Variants in CTNNA1 observed in about 807,000 individuals in gnomAD.
The protein encoded by CTNNA1 is catenin alpha-1.
CTNNA1 carries 37 observed loss-of-function variants against 98.4 expected under a neutral mutation model. The ratio of observed to expected loss-of-function variants is 0.38; its 90% CI spans 0.29 to 0.49. The LOEUF is 0.49. Ranked by LOEUF, CTNNA1 falls within the 20% of genes least tolerant of loss-of-function variation. The pLI, the probability that CTNNA1 is intolerant of heterozygous loss-of-function variation, is 0.95. For missense variants in CTNNA1, 761 were observed against 1,147.2 expected (o/e 0.66, Z 4.86); for synonymous variants, 404 against 413.2 (o/e 0.98, Z 0.27).
At chr5:138,787,805 A>G (rs778753747) in intron 3 of CTNNA1, among the ~76,000 whole-genome samples, 1 of 152,226 alleles carries the variant, frequency 6.6e-6, no homozygotes, top group Non-Finnish European at 1.5e-5. Context: ...AATAATGAAT[A>G]TGCACATTTG....
intron 7 of CTNNA1, among the ~76,000 whole-genome samples, chr5:138,841,180 T>C (rs1762232682): frequency 6.6e-6 from 1 of 152,258 alleles, no homozygotes; most frequent in South Asian, 2.1e-4. Flanking sequence ...TCATATCTGA[T>C]GACTGCTAAT....
chr5:138,766,167 GTGA>G (rs781384476), intron 1 of CTNNA1, among the ~76,000 whole-genome samples: 1 of 152,164 alleles, frequency 6.6e-6, no homozygotes, highest in Non-Finnish European at 1.5e-5. Flanking sequence ...ATAGTGCTAT[GTGA>G]CAAGTGCTGG....
rs780655298 is a variant in CTNNA1 at position 138,812,332 on chromosome 5, G to A, written c.588+30G>A. 2.6e-5 allele frequency: 41 copies of A among 1,596,612 alleles called. No homozygotes were observed. The South Asian group carries it at 4.5e-4, about 17-fold the overall frequency. The stretch of plus-strand genomic sequence containing the variant: ...AGTCATGATTTGGGGATATATTAAA[G>A]TTGTTCATTTTACTATCTAGAGGGA... On this transcript the variant is annotated intron_variant, in intron 5 of 17. Coordinates refer to ENST00000302763, the MANE Select transcript of CTNNA1 (RefSeq NM_001903.5).
At chr5:138,888,696 C>T (rs1433525455) in intron 9 of CTNNA1, among the ~76,000 whole-genome samples, 5 of 151,982 alleles carry the variant, frequency 3.3e-5, no homozygotes, top group Admixed American at 1.3e-4. Flanking sequence ...TACAGGCACC[C>T]GCCACCATGC....
chr5:138,885,894 A>T (rs754220504), intron 7 of CTNNA1, among the ~76,000 whole-genome samples: 1 of 152,172 alleles, frequency 6.6e-6, no homozygotes, highest in African/African-American at 2.4e-5. Context: ...AAATTGGTGT[A>T]TGCTGAACCT....
At chr5:138,877,897 G>A (rs1396563879) in intron 7 of CTNNA1, among the ~76,000 whole-genome samples, 1 of 152,176 alleles carries the variant, frequency 6.6e-6, no homozygotes, top group Non-Finnish European at 1.5e-5. Context: ...GGGGAGAAAA[G>A]CATTTTAGTC....
At chr5:138,794,332 G>A (rs1228312471) in intron 3 of CTNNA1, among the ~76,000 whole-genome samples, 2 of 151,108 alleles carry the variant, frequency 1.3e-5, no homozygotes, top group Non-Finnish European at 2.9e-5. Context: ...TCTTTCAAAA[G>A]ATAAACAGTT....
chr5:138,809,077 TG>T (rs2149724188), intron 3 of CTNNA1, among the ~76,000 whole-genome samples: 1 of 152,308 alleles, frequency 6.6e-6, no homozygotes, highest in Admixed American at 6.5e-5. Flanking sequence ...CTCAAACACA[TG>T]GGCTCAAGAG....
chr5:138,871,497 T>C (rs959092175), intron 7 of CTNNA1: 6 of 152,260 alleles, frequency 3.9e-5, no homozygotes, highest in African/African-American at 1.4e-4. Context: ...TGTGGCATCC[T>C]TATCATTTGT....
rs778667305 is a variant in CTNNA1 at position 138,812,219 on chromosome 5, A to G, written c.505A>G (p.Asn169Asp). 2.5e-5 allele frequency: 40 copies of G among 1,613,754 alleles called. No homozygotes were observed. Among genetic ancestry groups the G allele is most frequent in the Non-Finnish European group, 2.9e-5 (34 of 1,179,870 alleles). The stretch of plus-strand genomic sequence containing the variant: ...TATCTTGAAGTTGAGGAATGCTGGC[A>G]ATGAACAAGACTTAGGAATCCAGTA... Reference protein sequence around the residue: ...DGILKLRNAGNEQDLGIQYKA... With the variant: ...DGILKLRNAGDEQDLGIQYKA... The change falls in exon 5 of 18, where the codon AAT becomes GAT. Residue 169 changes from asparagine (N) to aspartate (D), a missense_variant. Physicochemically the swap from Asn to Asp is conservative, Grantham distance 23 (BLOSUM62 1). This residue lies in a region of CTNNA1 where 328 missense variants were observed against 354.3 expected (regional missense o/e 0.93). Coordinates refer to ENST00000302763, the MANE Select transcript of CTNNA1 (RefSeq NM_001903.5).
chr5:138,894,786 G>GT (rs1236210569), intron 9 of CTNNA1, among the ~76,000 whole-genome samples: 1 of 152,118 alleles, frequency 6.6e-6, no homozygotes, highest in Non-Finnish European at 1.5e-5. Context: ...TGGCCCCTAA[G>GT]TTTCCCTGCC....
intron 5 of CTNNA1, among the ~76,000 whole-genome samples, chr5:138,818,412 T>C (rs932117902): frequency 2.5e-5 from 2 of 79,080 alleles, no homozygotes; most frequent in African/African-American, 7.7e-5. Context: ...TGGTGTCATA[T>C]TTACTTGCTT....
At chr5:138,834,413 T>G (rs954816158) in intron 7 of CTNNA1, among the ~76,000 whole-genome samples, 1 of 152,186 alleles carries the variant, frequency 6.6e-6, no homozygotes, top group Non-Finnish European at 1.5e-5. Flanking sequence ...TTAGTAATGA[T>G]TGTCCATACT....
intron 5 of CTNNA1, among the ~76,000 whole-genome samples, chr5:138,820,219 T>TGCACAACCAAC (rs1482834666): frequency 2.6e-5 from 4 of 151,828 alleles, no homozygotes; most frequent in Admixed American, 1.3e-4. Context: ...TGCTTGCAGC[T>TGCACAACCAAC]TGGGGATGTC....
chr5:138,812,142 A>G (rs755965555), intron 4 of CTNNA1, 41 bp from the exon 5 acceptor site: 9 of 1,591,200 alleles, frequency 5.7e-6, no homozygotes, highest in African/African-American at 1.4e-5. Flanking sequence ...ACAGACCTAC[A>G]TTCAGAATTT....
At chr5:138,790,506 AATG>A (rs879276470) in intron 3 of CTNNA1, among the ~76,000 whole-genome samples, 2 of 152,194 alleles carry the variant, frequency 1.3e-5, no homozygotes, top group African/African-American at 2.4e-5. Context: ...TTCCTATGGC[AATG>A]ATAAGTATTG....
intron 1 of CTNNA1, among the ~76,000 whole-genome samples, chr5:138,769,664 C>G (rs1431874351): frequency 6.6e-6 from 1 of 151,944 alleles, no homozygotes; most frequent in African/African-American, 2.4e-5. Flanking sequence ...TCCCGAGTTG[C>G]TGCGATTACA....
intron 9 of CTNNA1, among the ~76,000 whole-genome samples, chr5:138,897,156 C>G (rs1298268582): frequency 6.6e-6 from 1 of 152,100 alleles, no homozygotes; most frequent in African/African-American, 2.4e-5. Context: ...CAGCTCCAGA[C>G]CTTGTATTAA....
At chr5:138,898,489 A>G (rs1017667269) in intron 9 of CTNNA1, among the ~76,000 whole-genome samples, 3 of 152,132 alleles carry the variant, frequency 2.0e-5, no homozygotes, top group African/African-American at 7.2e-5. Flanking sequence ...GAAGTAGAGA[A>G]CTTTAAAAGT....
Sources: gnomAD v4.1 joint callset for allele counts (sites outside exome capture counted in the v4.1 genomes callset) on GRCh38, gnomAD v4.1.1 for gene constraint, gnomAD v4.1.1 regional missense constraint, MANE v1.5 for transcripts, NCBI Gene and HGNC (gene_info 2026-07-23, HGNC 2026-07-21) for gene names.